The following ZNF718 variants were observed in gnomAD, a reference collection of about 807,000 sequenced individuals.
ZNF718 encodes the protein zinc finger protein 718.
Under a neutral mutation model 2.6 loss-of-function variants are expected in ZNF718, and 3 were observed. The ratio of observed to expected loss-of-function variants is 1.16; its 90% confidence interval spans 0.53 to 3.01. ZNF718 has a LOEUF of 3.01. Among genes scored for constraint, ZNF718 ranks in the 30% most tolerant of loss-of-function variants. ZNF718 has a pLI of 0.03. For missense variants in ZNF718, 468 were observed against 230.0 expected, an observed-to-expected ratio of 2.03 and a Z score of -6.69; for synonymous variants, 135 against 77.9, an observed-to-expected ratio of 1.73 and a Z score of -3.86.
intron 3 of ZNF718, chr4:136,531 CTCT>C: frequency 1.9e-6 from 1 of 513,078 alleles, no homozygotes; most frequent in Admixed American, 2.0e-5. Context: ...TGTCTATGGG[CTCT>C]TGAGTTGGCC....
chr4:177,297 C>T (rs982817120), intron 3 of ZNF718, among the ~76,000 whole-genome samples: 8 of 152,132 alleles, frequency 5.3e-5, no homozygotes, highest in Non-Finnish European at 8.8e-5. Context: ...CTGTAGTTCT[C>T]CAGAAATTGT....
chr4:185,851 AT>A (rs1220520162), intron 3 of ZNF718, among the ~76,000 whole-genome samples: 2 of 151,846 alleles, frequency 1.3e-5, no homozygotes, highest in Non-Finnish European at 2.9e-5. Flanking sequence ...TGCTTGGTAA[AT>A]TTTCATCCAT....
intron 3 of ZNF718, among the ~76,000 whole-genome samples, chr4:137,847 A>AG (rs1715640713): frequency 6.6e-6 from 1 of 151,982 alleles, no homozygotes; most frequent in Admixed American, 6.6e-5. Flanking sequence ...TAAATTTGTT[A>AG]CTCATGTAGT....
intron 4 of ZNF718, chr4:201,242 G>T (rs1553822748): frequency 1.3e-5 from 2 of 152,252 alleles, no homozygotes; most frequent in African/African-American, 4.8e-5. Context: ...AAAAGCTATG[G>T]TCAAAATACA....
At chr4:147,298 C>T (rs1371881693) in intron 3 of ZNF718, among the ~76,000 whole-genome samples, 1 of 152,122 alleles carries the variant, frequency 6.6e-6, no homozygotes, top group African/African-American at 2.4e-5. Context: ...GTTATATTTG[C>T]CTGATCCTTC....
exon 5 of ZNF718, chr4:202,087 A>G (rs1717912528): frequency 6.6e-6 from 1 of 152,206 alleles, no homozygotes; most frequent in South Asian, 2.1e-4. Context: ...GTGGGAGATA[A>G]TTGAATCATG....
downstream of ZNF718, among the ~76,000 whole-genome samples, chr4:164,358 C>T (rs1385062272): frequency 6.6e-6 from 1 of 151,854 alleles, no homozygotes; most frequent in Non-Finnish European, 1.5e-5. Context: ...AAAAAATATT[C>T]TTTTAATAAT....
chr4:172,029 T>C (rs113668716), intron 3 of ZNF718, among the ~76,000 whole-genome samples: 18 of 152,368 alleles, frequency 1.2e-4, no homozygotes, highest in African/African-American at 3.4e-4. Flanking sequence ...GACATACTTA[T>C]AGCAAAACTT....
At chr4:192,011 G>C (rs1231558562) in intron 3 of ZNF718, among the ~76,000 whole-genome samples, 4 of 152,162 alleles carry the variant, frequency 2.6e-5, no homozygotes, top group African/African-American at 9.7e-5. Flanking sequence ...ATGAACCCAG[G>C]CACTTAGCCA....
intron 3 of ZNF718, among the ~76,000 whole-genome samples, chr4:160,039 G>A (rs1285178744): frequency 6.6e-6 from 1 of 152,130 alleles, no homozygotes; most frequent in African/African-American, 2.4e-5. Context: ...TCTTCTTATG[G>A]TTTCTAATCA....
chr4:137,535 T>C (rs1229334236), intron 3 of ZNF718, among the ~76,000 whole-genome samples: 1 of 152,204 alleles, frequency 6.6e-6, no homozygotes, highest in African/African-American at 2.4e-5. Context: ...TTGCTTGATA[T>C]TGGCCATTCC....
chr4:126,176 A>C (rs1553807983), intron 1 of ZNF718, among the ~76,000 whole-genome samples: 1 of 152,206 alleles, frequency 6.6e-6, no homozygotes, highest in East Asian at 1.9e-4. Flanking sequence ...TTCATCCCTT[A>C]CGTGCCTACA....
intron 3 of ZNF718, among the ~76,000 whole-genome samples, chr4:156,965 C>T (rs1716593801): frequency 1.3e-5 from 2 of 152,130 alleles, no homozygotes; most frequent in African/African-American, 4.8e-5. Flanking sequence ...TGGATTTAAT[C>T]TTATCCATCT....
chr4:160,804 G>A, intron 3 of ZNF718, 108 bp from the exon 4 acceptor site: 2 of 635,860 alleles, frequency 3.1e-6, no homozygotes, highest in Non-Finnish European at 5.7e-6. Flanking sequence ...GCCCACCTTG[G>A]CCTCGGAAAC....
At position 169,957 on chromosome 4, in the gene ZNF718, A is replaced by G. The variant is rs13340267; in HGVS notation, c.227-31124A>G. Reference sequence around the variant, plus strand: ...CTTCCTAGCATCGATGGTCTTTACAATTTGGCATGTTTTTGCTGTGGCTGG... The same window carrying G: ...CTTCCTAGCATCGATGGTCTTTACAGTTTGGCATGTTTTTGCTGTGGCTGG... On this transcript the variant is annotated intron_variant and NMD_transcript_variant, in intron 3 of 4. Transcript: ENST00000642529. Among the ~76,000 whole-genome samples the G allele has an allele frequency of 3.3e-3, 499 of 152,074 alleles. 6 individuals carry two copies. The highest frequency in any genetic ancestry group is 0.011 in the African/African-American group (472 of 41,474).
intron 3 of ZNF718, among the ~76,000 whole-genome samples, chr4:146,077 C>CTATATATATATATATATA (rs5742061): frequency 4.6e-4 from 66 of 143,052 alleles, no homozygotes; most frequent in South Asian, 4.5e-3. Context: ...ATATAGCCTT[C>CTATATATATATATATATA]TATATATATA....
chr4:162,663 A>G lies in ZNF718; in HGVS notation c.*541A>G, dbSNP rs1362408967. The G allele has an allele frequency of 1.3e-5, 2 of 152,220 alleles. No individual in the cohort carries two copies. The highest frequency in any genetic ancestry group is 6.5e-5 in the Admixed American group (1 of 15,276). The allele number at this position is 152,220 out of a possible 1,614,324, so 9.4% of individuals were successfully genotyped here. A position where few individuals can be genotyped will look rare whatever the true frequency, so the allele number is the denominator to read the frequency against. On this transcript the variant is annotated 3_prime_UTR_variant, in exon 4 of 4. Coordinates refer to ENST00000510175, the MANE Select transcript of ZNF718 (RefSeq NM_001039127.6). The stretch of plus-strand genomic sequence containing the variant: ...TTGCATCATGGGTCTTATTGTGCAT[A>G]TTTCATACTAGAAGAAAACCCTGAA...
chr4:193,872 A>G (rs566721731), intron 3 of ZNF718, among the ~76,000 whole-genome samples: 1 of 152,294 alleles, frequency 6.6e-6, no homozygotes, highest in African/African-American at 2.4e-5. Context: ...TGGGCCTTAC[A>G]GTGATTCCCT....
At position 124,682 on chromosome 4, in the gene ZNF718, G is replaced by C. The variant is rs374538898; in HGVS notation, c.3+9G>C. ...CCTGAAGTCGGGAAATGGTGAGTGT[G>C]CAGGGCAGGGCGTCCCAAGGCTGTG... On this transcript the variant is annotated intron_variant, in intron 1 of 3. Coordinates refer to ENST00000510175, the MANE Select transcript of ZNF718 (RefSeq NM_001039127.6). The C allele has an allele frequency of 1.9e-6, 3 of 1,609,296 alleles. No homozygotes were observed. In the African/African-American group the frequency reaches 4.0e-5, roughly 21 times the overall value.
Sources: gnomAD v4.1 joint callset for allele counts (sites outside exome capture counted in the v4.1 genomes callset) on GRCh38, gnomAD v4.1.1 for gene constraint, MANE v1.5 for transcripts, NCBI Gene and HGNC (gene_info 2026-07-23, HGNC 2026-07-21) for gene names.